The following DLGAP2 variants were observed in gnomAD, a reference collection of about 807,000 sequenced individuals.
DLGAP2 encodes disks large-associated protein 2.
A neutral mutation model predicts 100.3 loss-of-function variants in DLGAP2; 26 were observed. The ratio of observed to expected loss-of-function variants is 0.26; its 90% CI spans 0.19 to 0.36. DLGAP2 has a LOEUF of 0.36. Among genes scored for constraint, DLGAP2 ranks in the 10% least tolerant of loss-of-function variants. The probability of loss-of-function intolerance (pLI) is 1.00; values close to 1 mark genes in which losing one functional copy is unlikely to be tolerated. For synonymous variants in DLGAP2, 886 were observed against 630.1 expected, an observed-to-expected ratio of 1.41 and a Z score of -6.08; for missense variants, 1,858 against 1,453.2, an observed-to-expected ratio of 1.28 and a Z score of -4.53.
At chr8:1,391,526 T>G (rs1294487302) in intron 3 of DLGAP2, among the ~76,000 whole-genome samples, 1 of 151,588 alleles carries the variant, frequency 6.6e-6, no homozygotes, top group Non-Finnish European at 1.5e-5. Flanking sequence ...GTAATGAGAG[T>G]AAGATTGGTG....
intron 4 of DLGAP2, among the ~76,000 whole-genome samples, chr8:1,508,163 C>T (rs1799999766): frequency 6.6e-6 from 1 of 151,826 alleles, no homozygotes; most frequent in Non-Finnish European, 1.5e-5. Context: ...ACTTAGGATG[C>T]CAGGGCTTTT....
At chr8:890,407 T>C (rs1193126401) in intron 1 of DLGAP2, among the ~76,000 whole-genome samples, 2 of 152,142 alleles carry the variant, frequency 1.3e-5, no homozygotes, top group East Asian at 1.9e-4. Context: ...ACGTTTTTTT[T>C]CCCCATGGGA....
intron 2 of DLGAP2, among the ~76,000 whole-genome samples, chr8:955,919 C>T (rs903009108): frequency 6.6e-6 from 1 of 152,126 alleles, no homozygotes; most frequent in African/African-American, 2.4e-5. Flanking sequence ...ATTAAGAACA[C>T]AGACAGCAGC....
chr8:1,404,022 G>A (rs1228305971), intron 3 of DLGAP2, among the ~76,000 whole-genome samples: 8 of 26,572 alleles, frequency 3.0e-4, no homozygotes, highest in Admixed American at 2.4e-3. Context: ...CCAGAGTCGT[G>A]TATTGAGTGC....
At chr8:1,313,835 A>G (rs187560612) in intron 3 of DLGAP2, among the ~76,000 whole-genome samples, 1 of 152,170 alleles carries the variant, frequency 6.6e-6, no homozygotes, top group South Asian at 2.1e-4. Context: ...CTGAACCTTG[A>G]TAACCATCCC....
At chr8:1,234,535 C>T (rs1034134005) in intron 2 of DLGAP2, among the ~76,000 whole-genome samples, 3 of 152,204 alleles carry the variant, frequency 2.0e-5, no homozygotes, top group South Asian at 2.1e-4. Flanking sequence ...CAACAATGAC[C>T]CTATTTCTAA....
chr8:788,666 G>A (rs879884557), intron 1 of DLGAP2, among the ~76,000 whole-genome samples: 2 of 152,234 alleles, frequency 1.3e-5, no homozygotes, highest in African/African-American at 2.4e-5. Context: ...CCCAGAGCGG[G>A]CAGAAGTCAG....
At chr8:1,625,842 C>A (rs1797476786) in intron 6 of DLGAP2, among the ~76,000 whole-genome samples, 1 of 152,244 alleles carries the variant, frequency 6.6e-6, no homozygotes, top group Admixed American at 6.5e-5. Flanking sequence ...AATTCACATT[C>A]ATAAATATGA....
intron 2 of DLGAP2, among the ~76,000 whole-genome samples, chr8:1,017,636 G>T (rs1234150751): frequency 6.9e-6 from 1 of 145,072 alleles, no homozygotes; most frequent in African/African-American, 2.5e-5. Flanking sequence ...TGTGTGACCG[G>T]GACAGATGAC....
At chr8:1,028,231 G>T (rs1362303091) in intron 2 of DLGAP2, among the ~76,000 whole-genome samples, 7 of 134,320 alleles carry the variant, frequency 5.2e-5, no homozygotes, top group African/African-American at 8.9e-5. Flanking sequence ...TCAGGCGCCC[G>T]TTATTCTCCA....
intron 2 of DLGAP2, among the ~76,000 whole-genome samples, chr8:919,715 C>A (rs919320349): frequency 6.6e-6 from 1 of 152,068 alleles, no homozygotes; most frequent in East Asian, 1.9e-4. Flanking sequence ...GACCAGCCTG[C>A]ATGGGGTGTG....
At chr8:1,029,776 C>A (rs558337017) in intron 2 of DLGAP2, among the ~76,000 whole-genome samples, 1 of 152,124 alleles carries the variant, frequency 6.6e-6, no homozygotes, top group African/African-American at 2.4e-5. Context: ...GGAGAGAAGG[C>A]CATGAGCACC....
chr8:1,583,975 C>T (rs1796033513), intron 6 of DLGAP2, among the ~76,000 whole-genome samples: 1 of 152,104 alleles, frequency 6.6e-6, no homozygotes, highest in Non-Finnish European at 1.5e-5. Flanking sequence ...CTGATTGCCT[C>T]CTCTGGGAAG....
chr8:1,686,552 C>G (rs1799120327), intron 12 of DLGAP2, among the ~76,000 whole-genome samples: 1 of 152,050 alleles, frequency 6.6e-6, no homozygotes, highest in Admixed American at 6.6e-5. Context: ...CCTGTAATCC[C>G]AATCCCAGCT....
intron 3 of DLGAP2, among the ~76,000 whole-genome samples, chr8:1,321,364 C>T (rs1800898002): frequency 6.6e-6 from 1 of 150,950 alleles, no homozygotes; most frequent in Admixed American, 6.6e-5. Flanking sequence ...GCATCCGTAC[C>T]ATGTGCGTGC....
intron 2 of DLGAP2, among the ~76,000 whole-genome samples, chr8:1,005,656 G>T (rs1359573827): frequency 1.3e-5 from 2 of 151,120 alleles, no homozygotes; most frequent in Non-Finnish European, 2.9e-5. Context: ...CTAGGTTCAA[G>T]TGATTCTCCT....
chr8:1,686,011 A>G (rs6986159), intron 12 of DLGAP2, among the ~76,000 whole-genome samples: 81,590 of 152,078 alleles, frequency 0.54, 24,254 homozygotes, highest in African/African-American at 0.8. Context: ...AAAGCAGTAT[A>G]GAGATTTCTC....
intron 6 of DLGAP2, among the ~76,000 whole-genome samples, chr8:1,585,483 C>T (rs980122877): frequency 1.4e-4 from 21 of 152,194 alleles, no homozygotes; most frequent in African/African-American, 3.6e-4. Flanking sequence ...TTAGGGCTGT[C>T]AGTTCAGGGG....
intron 2 of DLGAP2, among the ~76,000 whole-genome samples, chr8:1,043,394 A>T (rs887970989): frequency 1.5e-5 from 2 of 135,824 alleles, no homozygotes; most frequent in Non-Finnish European, 3.2e-5. Flanking sequence ...TGGTGGACGT[A>T]GGTGGTGGAT....
Sources: gnomAD v4.1 joint callset for allele counts (sites outside exome capture counted in the v4.1 genomes callset) on GRCh38, gnomAD v4.1.1 for gene constraint, MANE v1.5 for transcripts, NCBI Gene and HGNC (gene_info 2026-07-23, HGNC 2026-07-21) for gene names.